CADM2: variants seen among roughly 807,000 people sequenced by gnomAD.
The protein encoded by CADM2 is cell adhesion molecule 2, also known as immunoglobulin superfamily member 4D.
Under a neutral mutation model 49.8 loss-of-function variants are expected in CADM2, and 12 were observed. The ratio of observed to expected loss-of-function variants is 0.24; its 90% CI spans 0.15 to 0.39. The LOEUF (loss-of-function observed/expected upper bound fraction) is 0.39. Among genes scored for constraint, CADM2 ranks in the 10% least tolerant of loss-of-function variants. CADM2 has a pLI of 1.00. For missense variants in CADM2, 378 were observed against 492.3 expected (o/e 0.77, Z 2.20); for synonymous variants, 214 against 175.4 (o/e 1.22, Z -1.74).
intron 1 of CADM2, among the ~76,000 whole-genome samples, chr3:85,360,618 A>G (rs968726429): frequency 2.6e-5 from 4 of 152,202 alleles, no homozygotes; most frequent in African/African-American, 9.6e-5. Flanking sequence ...AGAGTAAGGT[A>G]AATCTGTTTC....
At chr3:84,970,239 C>A (rs1023454229) in intron 1 of CADM2, among the ~76,000 whole-genome samples, 2 of 149,618 alleles carry the variant, frequency 1.3e-5, no homozygotes, top group Admixed American at 6.7e-5. Flanking sequence ...TATACTTATG[C>A]AGTTGATGAC....
intron 8 of CADM2, among the ~76,000 whole-genome samples, chr3:86,033,743 C>T (rs1734827204): frequency 1.5e-5 from 2 of 136,818 alleles, no homozygotes; most frequent in African/African-American, 5.4e-5. Context: ...GATCAGAAGC[C>T]CATAAAGAAA....
chr3:86,009,850 A>G (rs1731278713), intron 8 of CADM2, among the ~76,000 whole-genome samples: 1 of 151,896 alleles, frequency 6.6e-6, no homozygotes, highest in South Asian at 2.1e-4. Context: ...TGAAGTATAT[A>G]TACATTGAGA....
chr3:85,912,429 A>T lies in CADM2; in HGVS notation c.586A>T (p.Thr196Ser). The change falls in exon 6 of 10, where the codon ACA becomes TCA. Residue 196 changes from threonine to serine, a missense_variant. Thr to Ser is a moderately conservative substitution (Grantham distance 58, BLOSUM62 1). Coordinates refer to ENST00000383699, the MANE Select transcript of CADM2 (RefSeq NM_001167675.2). ...ANRKTFTVSSTLDFRVDRSDD... is the reference protein window; with the variant it reads ...ANRKTFTVSSSLDFRVDRSDD... Reference sequence around the variant, plus strand: ...TCGCAAGACATTCACTGTCAGCAGCACACTGGACTTCCGAGTGGACCGGAG... The same window carrying T: ...TCGCAAGACATTCACTGTCAGCAGCTCACTGGACTTCCGAGTGGACCGGAG... 2 of 1,614,112 alleles carry T rather than the reference A, an allele frequency of 1.2e-6. No homozygotes were observed. The highest frequency in any genetic ancestry group is 1.7e-6 in the Non-Finnish European group (2 of 1,179,968).
intron 2 of CADM2, chr3:85,800,757 T>C (rs1021505568): frequency 6.6e-6 from 1 of 152,260 alleles, no homozygotes; most frequent in African/African-American, 2.4e-5. Context: ...ACCAGTCCCA[T>C]TGAGATGAAC....
intron 4 of CADM2, among the ~76,000 whole-genome samples, chr3:85,885,056 A>G (rs1713386680): frequency 6.6e-6 from 1 of 151,924 alleles, no homozygotes; most frequent in Admixed American, 6.6e-5. Context: ...TTTAAGCTTT[A>G]AGAACTATGA....
At chr3:85,726,874 A>C (rs2067718839) in intron 2 of CADM2, among the ~76,000 whole-genome samples, 1 of 152,080 alleles carries the variant, frequency 6.6e-6, no homozygotes, top group Admixed American at 6.6e-5. Context: ...GAATTGGGCA[A>C]AATACAGCAT....
At chr3:85,013,964 G>T (rs2034125143) in intron 1 of CADM2, among the ~76,000 whole-genome samples, 1 of 144,596 alleles carries the variant, frequency 6.9e-6, no homozygotes, top group Non-Finnish European at 1.5e-5. Context: ...TATATACGCA[G>T]TGTAATAATA....
chr3:86,009,807 A>G (rs564575985), intron 8 of CADM2, among the ~76,000 whole-genome samples: 1 of 151,900 alleles, frequency 6.6e-6, no homozygotes, highest in East Asian at 1.9e-4. Flanking sequence ...ATTTTAATTT[A>G]TTTAAAAATT....
intron 8 of CADM2, among the ~76,000 whole-genome samples, chr3:85,999,828 A>G (rs1729944428): frequency 6.6e-6 from 1 of 152,200 alleles, no homozygotes; most frequent in Non-Finnish European, 1.5e-5. Context: ...AGAGAAAGTC[A>G]CTGCATTCTA....
chr3:85,038,519 T>C (rs1345709635), intron 1 of CADM2, among the ~76,000 whole-genome samples: 1 of 152,210 alleles, frequency 6.6e-6, no homozygotes, highest in Non-Finnish European at 1.5e-5. Flanking sequence ...TTAGATCTGA[T>C]GTGTGACCTA....
intron 7 of CADM2, among the ~76,000 whole-genome samples, chr3:85,937,144 G>C (rs1721266572): frequency 6.6e-6 from 1 of 151,680 alleles, no homozygotes; most frequent in African/African-American, 2.4e-5. Context: ...TAGACTTTAT[G>C]TTTTATATAA....
chr3:85,162,106 T>C (rs754964401), intron 1 of CADM2, among the ~76,000 whole-genome samples: 39 of 152,106 alleles, frequency 2.6e-4, no homozygotes, highest in Admixed American at 9.2e-4. Flanking sequence ...GGGTTCATTA[T>C]ATAAACCAGA....
chr3:85,080,577 T>C (rs1211207638), intron 1 of CADM2, among the ~76,000 whole-genome samples: 1 of 152,040 alleles, frequency 6.6e-6, no homozygotes, highest in Non-Finnish European at 1.5e-5. Context: ...GTACCTCAGG[T>C]TCCTTTCTCA....
intron 1 of CADM2, among the ~76,000 whole-genome samples, chr3:85,327,551 C>T (rs1031893398): frequency 2.1e-5 from 3 of 140,870 alleles, no homozygotes; most frequent in African/African-American, 8.2e-5. Context: ...CCACCATGCC[C>T]GGCCACACAC....
chr3:85,396,520 A>G (rs921480326), intron 1 of CADM2, among the ~76,000 whole-genome samples: 8 of 152,038 alleles, frequency 5.3e-5, no homozygotes, highest in African/African-American at 1.9e-4. Flanking sequence ...CTGCAAATCT[A>G]GATTTTGTGG....
chr3:85,037,808 G>C (rs921198494), intron 1 of CADM2, among the ~76,000 whole-genome samples: 1 of 152,124 alleles, frequency 6.6e-6, no homozygotes. Context: ...CTTCAAGCTA[G>C]AGGTGAATAT....
At chr3:85,334,296 C>T (rs2107164445) in intron 1 of CADM2, among the ~76,000 whole-genome samples, 1 of 151,510 alleles carries the variant, frequency 6.6e-6, no homozygotes, top group East Asian at 1.9e-4. Flanking sequence ...CAAAAAGCAG[C>T]CTCACATCAT....
chr3:85,987,733 T>C (rs1728293088), intron 8 of CADM2, among the ~76,000 whole-genome samples: 1 of 148,096 alleles, frequency 6.8e-6, no homozygotes, highest in African/African-American at 2.5e-5. Context: ...ATAATTATTA[T>C]AATTTCAGAA....
Sources: gnomAD v4.1 joint callset for allele counts (sites outside exome capture counted in the v4.1 genomes callset) on GRCh38, gnomAD v4.1.1 for gene constraint, MANE v1.5 for transcripts, NCBI Gene and HGNC (gene_info 2026-07-23, HGNC 2026-07-21) for gene names.